The following PHF14 variants were observed in gnomAD, a reference collection of about 807,000 sequenced individuals.
PHF14 encodes the protein PHD finger protein 14.
PHF14 carries 55 observed loss-of-function variants against 117.9 expected under a neutral mutation model. The observed-to-expected ratio is 0.47, with a 90% confidence interval of 0.38 to 0.58. The LOEUF is 0.58. PHF14 is among the 20% of genes least tolerant of loss of function. The pLI, the probability that PHF14 is intolerant of heterozygous loss-of-function variation, is 0.00. For missense variants in PHF14, 978 were observed against 1,122.2 expected (o/e 0.87, Z 1.84); for synonymous variants, 409 against 368.6 (o/e 1.11, Z -1.26).
chr7:11,089,874 G>A (rs1276119714), intron 16 of PHF14, among the ~76,000 whole-genome samples: 1 of 148,724 alleles, frequency 6.7e-6, no homozygotes, highest in African/African-American at 2.5e-5. Flanking sequence ...GGCTTCAAGC[G>A]ATTCTCCTGC....
At chr7:11,099,978 C>T (rs768399562) in intron 16 of PHF14, among the ~76,000 whole-genome samples, 6 of 151,992 alleles carry the variant, frequency 3.9e-5, no homozygotes, top group Non-Finnish European at 8.8e-5. Context: ...GACAATTTCT[C>T]TAAATGAGCT....
chr7:11,001,343 G>GT (rs1282764740), intron 4 of PHF14, among the ~76,000 whole-genome samples: 19 of 151,570 alleles, frequency 1.3e-4, no homozygotes, highest in Non-Finnish European at 1.5e-4. Flanking sequence ...CCTTTGACTT[G>GT]TTTTTTTTCC....
chr7:11,002,643 A>G (rs1782917468), intron 4 of PHF14, among the ~76,000 whole-genome samples: 2 of 151,878 alleles, frequency 1.3e-5, no homozygotes, highest in Admixed American at 6.6e-5. Flanking sequence ...GGATTTCTCC[A>G]TGTTGGTCAG....
intron 4 of PHF14, among the ~76,000 whole-genome samples, chr7:11,010,710 G>T (rs954058023): frequency 2.6e-5 from 4 of 151,852 alleles, no homozygotes; most frequent in Admixed American, 6.6e-5. Flanking sequence ...TTGCTCTGTT[G>T]CCCAGGCTGG....
At chr7:10,997,884 G>A (rs532239132) in intron 4 of PHF14, among the ~76,000 whole-genome samples, 3 of 152,292 alleles carry the variant, frequency 2.0e-5, no homozygotes, top group East Asian at 1.9e-4. Context: ...AACCATTTCT[G>A]CCATATTCCG....
At position 11,158,669 on chromosome 7, in the gene PHF14, A is replaced by T. The variant is rs144167142; in HGVS notation, c.2773-10747A>T. Reference sequence around the variant, plus strand: ...ATATTTTTGTCAATCTAGTATTTTCATACAAACAATGGGGATTTAAATAAG... The same window carrying T: ...ATATTTTTGTCAATCTAGTATTTTCTTACAAACAATGGGGATTTAAATAAG... On this transcript the variant is annotated intron_variant, in intron 17 of 17. Transcript: ENST00000634607. Among the ~76,000 whole-genome samples the T allele has an allele frequency of 2.5e-3, 384 of 152,236 alleles. 2 individuals are homozygous for T. The highest frequency in any genetic ancestry group is 4.3e-3 in the Non-Finnish European group (294 of 67,968).
intron 16 of PHF14, among the ~76,000 whole-genome samples, chr7:11,094,322 TTTC>T (rs1786761281): frequency 6.6e-6 from 1 of 152,208 alleles, no homozygotes; most frequent in East Asian, 1.9e-4. Flanking sequence ...GCAAGGCTGG[TTTC>T]TTCTAGAGTG....
chr7:11,167,901 T>C (rs1352502569), intron 17 of PHF14, among the ~76,000 whole-genome samples: 35 of 151,446 alleles, frequency 2.3e-4, no homozygotes, highest in African/African-American at 8.0e-4. Flanking sequence ...TGGTGGTGGG[T>C]GCCTGTCCCA....
chr7:11,140,745 T>C (rs1054275727), intron 17 of PHF14, among the ~76,000 whole-genome samples: 4 of 152,256 alleles, frequency 2.6e-5, no homozygotes, highest in African/African-American at 9.6e-5. Flanking sequence ...GAAATTTCTA[T>C]ACTATTTATG....
intron 17 of PHF14, among the ~76,000 whole-genome samples, chr7:11,141,503 G>A (rs1252757006): frequency 6.6e-6 from 1 of 151,846 alleles, no homozygotes; most frequent in Non-Finnish European, 1.5e-5. Context: ...ATGCTAGTTG[G>A]GTTTATTGTT....
chr7:11,164,803 T>G (rs1384067682), intron 17 of PHF14, among the ~76,000 whole-genome samples: 4 of 152,230 alleles, frequency 2.6e-5, no homozygotes, highest in African/African-American at 9.6e-5. Context: ...ATTTTTAAAT[T>G]TTACCAGTTT....
At chr7:11,044,336 AG>A (rs1031030133) in intron 13 of PHF14, among the ~76,000 whole-genome samples, 4 of 152,102 alleles carry the variant, frequency 2.6e-5, no homozygotes, top group African/African-American at 4.8e-5. Context: ...TAAAAAAAAA[AG>A]AAAAGAAGTA....
chr7:11,132,824 G>A, intron 17 of PHF14, among the ~76,000 whole-genome samples: 1 of 151,830 alleles, frequency 6.6e-6, no homozygotes, highest in Non-Finnish European at 1.5e-5. Context: ...GTATCTCATA[G>A]TGGTTTGGAT....
At chr7:11,127,040 G>T (rs1787947186) in intron 17 of PHF14, among the ~76,000 whole-genome samples, 1 of 152,012 alleles carries the variant, frequency 6.6e-6, no homozygotes, top group Admixed American at 6.6e-5. Flanking sequence ...TGCTCATTTG[G>T]AGCTTCCTTT....
Position 11,038,766 on chromosome 7 carries a change from G to A in PHF14, c.1987G>A (p.Glu663Lys). ...AATTTGGCTTACTTTGTAGCTATGT[G>A]AATCTTTAGAAGAACTACAAAACCT... ...KLHVEYNKLC[E>K]SLEELQNLNG... Residue 663 changes from glutamate to lysine, a missense_variant, in exon 11 of 18, where the codon GAA becomes AAA. Glu to Lys is a moderately conservative substitution (Grantham distance 56). Coordinates refer to ENST00000634607, the MANE Select transcript of PHF14 (RefSeq NM_001007157.2). 1.3e-6 allele frequency: 2 copies of A among 1,536,914 alleles called. No homozygotes were observed. The highest frequency in any genetic ancestry group is 1.8e-6 in the Non-Finnish European group (2 of 1,121,416).
At chr7:11,074,341 G>A (rs1785744896) in intron 16 of PHF14, among the ~76,000 whole-genome samples, 1 of 151,724 alleles carries the variant, frequency 6.6e-6, no homozygotes, top group South Asian at 2.1e-4. Context: ...CTCCTGAGTA[G>A]CTGGGACTAC....
chr7:11,003,045 A>G (rs1287033706), intron 4 of PHF14, among the ~76,000 whole-genome samples: 3 of 151,976 alleles, frequency 2.0e-5, no homozygotes, highest in African/African-American at 7.3e-5. Context: ...GCTTCAAGGA[A>G]TTCTCCTGCC....
At chr7:11,080,377 C>T (rs150185086) in intron 16 of PHF14, among the ~76,000 whole-genome samples, 100 of 151,714 alleles carry the variant, frequency 6.6e-4, no homozygotes, top group Middle Eastern at 3.4e-3. Flanking sequence ...TGTTTTTTTC[C>T]CCCCTCAGAA....
At chr7:11,078,538 A>T (rs1785955376) in intron 16 of PHF14, among the ~76,000 whole-genome samples, 1 of 152,132 alleles carries the variant, frequency 6.6e-6, no homozygotes, top group East Asian at 1.9e-4. Context: ...ATCCCTTTTA[A>T]TTTTCAAATT....
Sources: allele counts gnomAD v4.1 joint callset (sites outside exome capture counted in the v4.1 genomes callset), GRCh38; gene constraint gnomAD v4.1.1; transcripts MANE v1.5; gene names NCBI Gene and HGNC (gene_info 2026-07-23, HGNC 2026-07-21).